The following COMMD1 variants were observed in gnomAD, a reference collection of about 807,000 sequenced individuals.
The protein encoded by COMMD1 is copper metabolism domain containing 1.
In COMMD1, 10 loss-of-function variants were observed where a neutral mutation model predicts 17.2. The observed-to-expected ratio is 0.58, with a 90% CI of 0.36 to 0.99. The LOEUF is 0.99. Ranked by LOEUF, COMMD1 falls within the 50% of genes least tolerant of loss-of-function variation. COMMD1 has a pLI of 0.01. For missense variants in COMMD1, 270 were observed against 231.8 expected (o/e 1.17, Z -1.07); for synonymous variants, 97 against 91.6 (o/e 1.06, Z -0.34).
intron 1 of COMMD1, among the ~76,000 whole-genome samples, chr2:61,933,013 G>A (rs1670508529): frequency 6.6e-6 from 1 of 152,080 alleles, no homozygotes; most frequent in Admixed American, 6.6e-5. Context: ...CAGATTGAAG[G>A]GTAGTATATG....
intron 2 of COMMD1, chr2:62,079,765 T>A (rs1207058176): frequency 1.3e-5 from 2 of 152,176 alleles, no homozygotes; most frequent in Non-Finnish European, 2.9e-5. Context: ...AGACATCACT[T>A]TAAACAACAT....
At chr2:62,000,299 GTC>G (rs1031011009) in intron 1 of COMMD1, among the ~76,000 whole-genome samples, 4 of 146,394 alleles carry the variant, frequency 2.7e-5, no homozygotes, top group African/African-American at 1.0e-4. Context: ...TTGAGACAGG[GTC>G]TCTCTCTGTC....
intron 1 of COMMD1, among the ~76,000 whole-genome samples, chr2:61,923,256 G>A (rs944418495): frequency 1.1e-4 from 16 of 152,118 alleles, no homozygotes; most frequent in African/African-American, 3.9e-4. Context: ...GTCTAGGTGG[G>A]TAAACTAAAT....
intron 2 of COMMD1, among the ~76,000 whole-genome samples, chr2:62,005,861 C>G (rs36193241): frequency 0.14 from 20,947 of 149,824 alleles, 1,382 homozygotes; most frequent in East Asian, 0.2. Flanking sequence ...ACCCAAAGGA[C>G]TATAAATCAT....
intron 1 of COMMD1, among the ~76,000 whole-genome samples, chr2:61,970,948 C>T (rs1438833451): frequency 1.3e-5 from 2 of 152,250 alleles, no homozygotes; most frequent in South Asian, 2.1e-4. Context: ...GTCCCTGTTG[C>T]CCAGGCTTCA....
chr2:61,957,477 G>C (rs532332755), intron 1 of COMMD1, among the ~76,000 whole-genome samples: 1 of 152,014 alleles, frequency 6.6e-6, no homozygotes, highest in Non-Finnish European at 1.5e-5. Flanking sequence ...GTGGTTTTCT[G>C]TTTTTTGCCA....
chr2:62,063,901 G>A lies in COMMD1; in HGVS notation c.462+62919G>A, dbSNP rs1437631583. ...TATATATATATATATATATATATTA[G>A]CCAGGCATGGTGGCATATGTCTGTA... On this transcript the variant is annotated intron_variant, in intron 2 of 2. Coordinates refer to ENST00000311832, the MANE Select transcript of COMMD1 (RefSeq NM_152516.4). Among the ~76,000 whole-genome samples the A allele has an allele frequency of 1.1e-4, 5 of 46,298 alleles. No individual in the cohort carries two copies. The East Asian group carries it at 2.2e-3, about 20-fold the overall frequency. The allele number at this position is 46,298 out of a possible 152,430, so 30.4% of individuals were successfully genotyped here. A position where few individuals can be genotyped will look rare whatever the true frequency, so the allele number is the denominator to read the frequency against.
intron 2 of COMMD1, among the ~76,000 whole-genome samples, chr2:62,022,222 C>A (rs1474748583): frequency 1.3e-5 from 2 of 151,980 alleles, no homozygotes; most frequent in African/African-American, 4.8e-5. Flanking sequence ...ACATTGAGGG[C>A]AGATAGTATA....
chr2:62,073,194 GCC>G, intron 2 of COMMD1, among the ~76,000 whole-genome samples: 1 of 152,332 alleles, frequency 6.6e-6, no homozygotes, highest in Middle Eastern at 3.4e-3. Flanking sequence ...GCCCTGCAAA[GCC>G]ATCTTTTGTG....
intron 1 of COMMD1, among the ~76,000 whole-genome samples, chr2:61,972,365 C>A (rs995611815): frequency 5.3e-5 from 8 of 152,088 alleles, no homozygotes; most frequent in Non-Finnish European, 1.2e-4. Flanking sequence ...ATATTATAGA[C>A]CTGTACAAAA....
At chr2:61,958,589 T>A (rs1261646864) in intron 1 of COMMD1, among the ~76,000 whole-genome samples, 1 of 152,194 alleles carries the variant, frequency 6.6e-6, no homozygotes, top group African/African-American at 2.4e-5. Context: ...TTTTATTTAA[T>A]ACACAGTCAT....
At chr2:62,009,131 T>C (rs576795005) in intron 2 of COMMD1, among the ~76,000 whole-genome samples, 27 of 152,280 alleles carry the variant, frequency 1.8e-4, no homozygotes, top group African/African-American at 6.0e-4. Flanking sequence ...CATTTCGTAT[T>C]TTATATCAGA....
intron 1 of COMMD1, among the ~76,000 whole-genome samples, chr2:61,980,017 C>T (rs375991529): frequency 3.6e-5 from 2 of 55,114 alleles, no homozygotes; most frequent in East Asian, 4.9e-4. Flanking sequence ...TTTGTTCTTG[C>T]GATAGTTTAC....
chr2:62,050,129 C>T lies in COMMD1; in HGVS notation c.462+49147C>T, dbSNP rs1333020858. On this transcript the variant is annotated intron_variant, in intron 2 of 2. Transcript: ENST00000311832. Reference sequence around the variant, plus strand: ...TAAAATATAAGCTACTGATTCCATACGTCTGAGGGGAGGTCTGAGAGTATG... The same window carrying T: ...TAAAATATAAGCTACTGATTCCATATGTCTGAGGGGAGGTCTGAGAGTATG... 1.3e-5 allele frequency among the ~76,000 whole-genome samples: 2 copies of T among 152,074 alleles called. 1 individual carries two copies. Among genetic ancestry groups the T allele is most frequent in the Non-Finnish European group, 2.9e-5 (2 of 68,008 alleles).
chr2:62,068,921 G>C lies in COMMD1; in HGVS notation c.463-66910G>C, dbSNP rs146274488. On this transcript the variant is annotated intron_variant, in intron 2 of 2. Transcript: ENST00000311832. The stretch of plus-strand genomic sequence containing the variant: ...CTCCCAAAGTCCTGGGATTACAGGC[G>C]TGAGCCACCAGGCCTAGCAGTGGTA... Among the ~76,000 whole-genome samples the C allele has an allele frequency of 4.6e-3, 695 of 152,022 alleles. 3 individuals are homozygous for C. The highest frequency in any genetic ancestry group is 7.9e-3 in the Non-Finnish European group (537 of 67,972).
At position 62,050,573 on chromosome 2, in the gene COMMD1, C is replaced by T. The variant is rs368790419; in HGVS notation, c.462+49591C>T. Among the ~76,000 whole-genome samples the T allele has an allele frequency of 2.6e-4, 39 of 152,284 alleles. No individual in the cohort carries two copies. The East Asian group carries it at 5.2e-3, about 20-fold the overall frequency. On this transcript the variant is annotated intron_variant, in intron 2 of 2. Coordinates refer to ENST00000311832, the MANE Select transcript of COMMD1 (RefSeq NM_152516.4). ...TTCTCTGCTACTATGTTTTGTTATT[C>T]AGCCTTGAATAATTCTTTTCAGGAA...
At chr2:61,991,130 A>T (rs1672242278) in intron 1 of COMMD1, among the ~76,000 whole-genome samples, 1 of 152,016 alleles carries the variant, frequency 6.6e-6, no homozygotes, top group South Asian at 2.1e-4. Flanking sequence ...TTCATTTTTC[A>T]TTCAAATTCT....
At chr2:61,940,809 C>T (rs1670725173) in intron 1 of COMMD1, among the ~76,000 whole-genome samples, 1 of 151,590 alleles carries the variant, frequency 6.6e-6, no homozygotes, top group African/African-American at 2.4e-5. Context: ...GCCTCAGCCT[C>T]CCGAGTAGCT....
At chr2:61,890,380 C>G (rs1669398804) in intron 1 of COMMD1, among the ~76,000 whole-genome samples, 2 of 152,082 alleles carry the variant, frequency 1.3e-5, no homozygotes, top group Admixed American at 1.3e-4. Flanking sequence ...CCACCATGCC[C>G]GGCTAATTTT....
Sources: allele counts gnomAD v4.1 joint callset (sites outside exome capture counted in the v4.1 genomes callset), GRCh38; gene constraint gnomAD v4.1.1; transcripts MANE v1.5; gene names NCBI Gene and HGNC (gene_info 2026-07-23, HGNC 2026-07-21).